Variants in RTN3 observed in about 807,000 individuals in gnomAD.
The protein encoded by RTN3 is reticulon 3.
A neutral mutation model predicts 77.8 loss-of-function variants in RTN3; 49 were observed. The ratio of observed to expected loss-of-function variants is 0.63; its 90% CI spans 0.50 to 0.80. The LOEUF is 0.80. Ranked by LOEUF, RTN3 falls within the 30% of genes least tolerant of loss-of-function variation. The pLI, the probability that RTN3 is intolerant of heterozygous loss-of-function variation, is 0.00. For missense variants in RTN3, 1,236 were observed against 1,211.9 expected, an observed-to-expected ratio of 1.02 and a Z score of -0.29; for synonymous variants, 464 against 446.9, an observed-to-expected ratio of 1.04 and a Z score of -0.48.
At chr11:63,723,215 T>C (rs2011945976) in intron 3 of RTN3, among the ~76,000 whole-genome samples, 1 of 152,148 alleles carries the variant, frequency 6.6e-6, no homozygotes, top group Non-Finnish European at 1.5e-5. Context: ...GTTTTTAGAT[T>C]GTAATTAAAG....
chr11:63,731,784 C>T (rs1414658465), intron 3 of RTN3, among the ~76,000 whole-genome samples: 1 of 152,140 alleles, frequency 6.6e-6, no homozygotes, highest in African/African-American at 2.4e-5. Context: ...TCCTGAGTAG[C>T]TGGGATTACA....
At chr11:63,735,550 T>TCCTCTCTCTCTC (rs2013032879) in intron 3 of RTN3, among the ~76,000 whole-genome samples, 1 of 42,686 alleles carries the variant, frequency 2.3e-5, no homozygotes, top group African/African-American at 9.0e-5. Context: ...ATTCTAACAT[T>TCCTCTCTCTCTC]TCTCTCTCTC....
chr11:63,748,639 T>C (rs1237626536), intron 3 of RTN3, among the ~76,000 whole-genome samples: 1 of 140,050 alleles, frequency 7.1e-6, no homozygotes, highest in Non-Finnish European at 1.5e-5. Flanking sequence ...CGTGAGCCCC[T>C]GCACCCTGCC....
At chr11:63,704,507 T>C (rs539412612) in intron 1 of RTN3, among the ~76,000 whole-genome samples, 1 of 152,174 alleles carries the variant, frequency 6.6e-6, no homozygotes, top group Non-Finnish European at 1.5e-5. Context: ...CAGATACTTA[T>C]TTTCCCCTTC....
At position 63,723,156 on chromosome 11, in the gene RTN3, A is replaced by T. The variant is rs369985179; in HGVS notation, c.2530+2124A>T. 2.0e-5 allele frequency among the ~76,000 whole-genome samples: 3 copies of T among 152,190 alleles called. No homozygotes were observed. The South Asian group carries it at 6.2e-4, about 32-fold the overall frequency. ...TCTAGCGTGAGAGATGTAAAGGGCT[A>T]TGGAAGTTCAGGATATTTGTCACTG... is the stretch of plus-strand genomic sequence containing the variant. On this transcript the variant is annotated intron_variant, in intron 3 of 8. Transcript: ENST00000377819.
intron 3 of RTN3, among the ~76,000 whole-genome samples, chr11:63,744,734 G>A (rs1446435751): frequency 6.6e-6 from 1 of 152,184 alleles, no homozygotes; most frequent in Non-Finnish European, 1.5e-5. Context: ...GTTCACACCT[G>A]TAATCCCAGT....
intron 1 of RTN3, among the ~76,000 whole-genome samples, chr11:63,686,864 A>G (rs1215416257): frequency 7.2e-5 from 11 of 152,168 alleles, no homozygotes; most frequent in Admixed American, 6.5e-5. Flanking sequence ...AAAGAAAATC[A>G]TGATGCCAAA....
At chr11:63,746,545 C>T (rs941974807) in intron 3 of RTN3, among the ~76,000 whole-genome samples, 2 of 151,008 alleles carry the variant, frequency 1.3e-5, no homozygotes, top group East Asian at 3.9e-4. Context: ...GACGGAGTCT[C>T]GCTCTGTTGC....
chr11:63,726,167 C>G (rs2012247645), intron 3 of RTN3, among the ~76,000 whole-genome samples: 1 of 152,166 alleles, frequency 6.6e-6, no homozygotes, highest in South Asian at 2.1e-4. Flanking sequence ...CTGGACCTGA[C>G]CTTCCTGCAT....
At chr11:63,697,469 C>CATTATTAAT (rs1942021975) in intron 1 of RTN3, among the ~76,000 whole-genome samples, 1 of 146,908 alleles carries the variant, frequency 6.8e-6, no homozygotes, top group African/African-American at 2.5e-5. Context: ...ACACCCAGCT[C>CATTATTAAT]ATTATTATTA....
chr11:63,753,186 A>G (rs1446940194), intron 6 of RTN3, 48 bp downstream of exon 6: 1 of 1,550,446 alleles, frequency 6.4e-7, no homozygotes. Flanking sequence ...GTAGTTTGTA[A>G]GAATAAGAGT....
chr11:63,756,262 A>G (rs2014378204), intron 8 of RTN3, 92 bp downstream of exon 8: 9 of 810,290 alleles, frequency 1.1e-5, no homozygotes, highest in Middle Eastern at 4.7e-4. Flanking sequence ...ATGCCAAGGA[A>G]AGTAATTTTC....
At chr11:63,699,580 A>G (rs1178810289) in intron 1 of RTN3, among the ~76,000 whole-genome samples, 1 of 152,170 alleles carries the variant, frequency 6.6e-6, no homozygotes, top group Non-Finnish European at 1.5e-5. Flanking sequence ...ACCCTTACTT[A>G]AAAACCTTCA....
chr11:63,714,121 C>A, intron 2 of RTN3: 1 of 465,332 alleles, frequency 2.1e-6, no homozygotes, highest in Non-Finnish European at 4.3e-6. Context: ...TTACTTCCAG[C>A]CCAATTTTTC....
At chr11:63,685,267 G>T (rs999787797) in intron 1 of RTN3, among the ~76,000 whole-genome samples, 1 of 151,676 alleles carries the variant, frequency 6.6e-6, no homozygotes, top group African/African-American at 2.4e-5. Flanking sequence ...GGCTGAGGTG[G>T]TTGGATCACC....
At chr11:63,752,742 A>C in intron 5 of RTN3, 97 bp downstream of exon 5, 3 of 1,290,832 alleles carry the variant, frequency 2.3e-6, no homozygotes, top group Non-Finnish European at 3.3e-6. Flanking sequence ...TATCAGACAA[A>C]AATGAACGTA....
rs115432000 is a variant in RTN3, at chr11:63,738,727, C to G, written c.2531-11264C>G. 6.1e-3 allele frequency among the ~76,000 whole-genome samples: 933 copies of G among 151,888 alleles called. 8 individuals are homozygous for G. Among genetic ancestry groups the G allele is most frequent in the African/African-American group, 0.021 (866 of 41,432 alleles). On this transcript the variant is annotated intron_variant, in intron 3 of 8. Coordinates refer to ENST00000377819, the MANE Select transcript of RTN3 (RefSeq NM_001265589.2). Reference sequence around the variant, plus strand: ...CTTTTCAGAATAAGTATTTGAACAGCTCTTCTTTTCTACCTTTGAGGTGTA... The same window carrying G: ...CTTTTCAGAATAAGTATTTGAACAGGTCTTCTTTTCTACCTTTGAGGTGTA...
intron 3 of RTN3, among the ~76,000 whole-genome samples, chr11:63,734,512 G>A (rs995223494): frequency 3.3e-5 from 5 of 151,796 alleles, no homozygotes; most frequent in Admixed American, 6.6e-5. Flanking sequence ...CGAGGTGAGC[G>A]GATCACTTGA....
In RTN3 at chr11:63,721,008, G is replaced by T. The variant is rs147481469; in HGVS notation, c.2506G>T (p.Ala836Ser). The change falls in exon 3 of 9, where the codon GCA becomes TCA. Residue 836 changes from alanine to serine, a missense_variant. Physicochemically the swap from Ala to Ser is moderately conservative, Grantham distance 99. Coordinates refer to ENST00000377819, the MANE Select transcript of RTN3 (RefSeq NM_001265589.2). ...TGAATTGGTAAAAAAGCATGTCCTA[G>T]CAAGACTTCTGACAGACTTCTCAGG... The part of the protein sequence containing the change: ...KTELVKKHVL[A>S]RLLTDFSVHD... 6.2e-7 allele frequency: 1 copy of T among 1,602,270 alleles called. No homozygotes were observed. Among genetic ancestry groups the T allele is most frequent in the Admixed American group, 1.7e-5 (1 of 58,720 alleles).
Sources: allele counts gnomAD v4.1 joint callset (sites outside exome capture counted in the v4.1 genomes callset), GRCh38; gene constraint gnomAD v4.1.1; transcripts MANE v1.5; gene names NCBI Gene and HGNC (gene_info 2026-07-23, HGNC 2026-07-21).